The following NIPBL variants were observed in gnomAD, a reference collection of about 807,000 sequenced individuals.
The protein encoded by NIPBL is NIPBL cohesin loading factor.
NIPBL carries 19 observed loss-of-function variants against 321.8 expected under a neutral mutation model. That is an observed-to-expected ratio of 0.06 (90% confidence interval 0.04 to 0.09). The LOEUF (loss-of-function observed/expected upper bound fraction) is 0.09, where lower values mean the gene tolerates loss of function less well. Ranked by LOEUF, NIPBL falls within the 10% of genes least tolerant of loss-of-function variation. The pLI is 1.00. For missense variants in NIPBL, 2,210 were observed against 3,327.0 expected, an observed-to-expected ratio of 0.66 and a Z score of 8.26; for synonymous variants, 1,106 against 1,114.1, an observed-to-expected ratio of 0.99 and a Z score of 0.14.
At chr5:36,885,498 G>A in intron 1 of NIPBL, 1 of 503,148 alleles carries the variant, frequency 2.0e-6, no homozygotes, top group South Asian at 1.5e-5. Flanking sequence ...GACAGAGTGA[G>A]GAGCCTAGAG....
chr5:36,962,357 A>G (rs1318752812), intron 6 of NIPBL, 83 bp downstream of exon 6: 1 of 1,393,240 alleles, frequency 7.2e-7, no homozygotes, highest in African/African-American at 1.4e-5. Flanking sequence ...TATAATTATT[A>G]AACACAAACT....
At chr5:36,962,444 C>T (rs1741731782) in intron 6 of NIPBL, among the ~76,000 whole-genome samples, 170 bp downstream of exon 6, 1 of 152,104 alleles carries the variant, frequency 6.6e-6, no homozygotes, top group South Asian at 2.1e-4. Context: ...GTTACACTTA[C>T]CATTTGAAAA....
chr5:36,918,753 A>C (rs1748682096), intron 1 of NIPBL, among the ~76,000 whole-genome samples: 3 of 152,078 alleles, frequency 2.0e-5, no homozygotes, highest in African/African-American at 7.2e-5. Context: ...GAATTTTGTC[A>C]AAGGCCTTTT....
chr5:37,048,033 G>C (rs1007920662), intron 38 of NIPBL, among the ~76,000 whole-genome samples: 1 of 151,900 alleles, frequency 6.6e-6, no homozygotes, highest in African/African-American at 2.4e-5. Flanking sequence ...TTCTGCTGGG[G>C]ATCTGAAAAA....
chr5:36,974,463 C>CT (rs1283558642), intron 8 of NIPBL, among the ~76,000 whole-genome samples: 1 of 152,098 alleles, frequency 6.6e-6, no homozygotes, highest in African/African-American at 2.4e-5. Context: ...TTAGACAAAT[C>CT]TTGTTTTAAA....
At chr5:37,002,585 TAGAA>T in intron 14 of NIPBL, 73 bp from the exon 15 acceptor site, 2 of 998,898 alleles carry the variant, frequency 2.0e-6, no homozygotes, top group Non-Finnish European at 3.2e-6. Context: ...AAAATTTTAT[TAGAA>T]AGTTAAGCTT....
intron 30 of NIPBL, among the ~76,000 whole-genome samples, chr5:37,025,235 G>A (rs1221807771): frequency 6.6e-6 from 1 of 152,044 alleles, no homozygotes; most frequent in African/African-American, 2.4e-5. Flanking sequence ...CCTGGGCAAG[G>A]GTGAGACTCC....
intron 1 of NIPBL, among the ~76,000 whole-genome samples, chr5:36,901,772 G>A (rs1374724951): frequency 1.3e-5 from 2 of 152,094 alleles, no homozygotes; most frequent in African/African-American, 4.8e-5. Flanking sequence ...GCCTCCCAAA[G>A]TGCTAGGATT....
intron 24 of NIPBL, among the ~76,000 whole-genome samples, chr5:37,018,406 C>A (rs1219300142): frequency 6.6e-6 from 1 of 152,014 alleles, no homozygotes; most frequent in Non-Finnish European, 1.5e-5. Context: ...CAATGAGAAC[C>A]CTTTGAAGCT....
chr5:37,064,881 A>G lies in NIPBL; in HGVS notation c.8404A>G (p.Thr2802Ala). Reference protein sequence around the residue: ...LRSLYAAKDGTSS With the variant: ...LRSLYAAKDGASS ...ATCCCTGTATGCCGCCAAGGATGGGACTTCCAGCTAATGAATTTGTACATG... is the reference window on the plus strand; with the variant it reads ...ATCCCTGTATGCCGCCAAGGATGGGGCTTCCAGCTAATGAATTTGTACATG... The change falls in exon 47 of 47, where the codon ACT becomes GCT. Residue 2802 changes from threonine (T) to alanine (A), a missense_variant. Around this residue, in one of 14 missense-constraint regions of NIPBL, gnomAD observed 159 missense variants for 319.2 expected, o/e 0.50. Transcript: ENST00000282516. The G allele has an allele frequency of 6.2e-7, 1 of 1,614,210 alleles. No homozygotes were observed. The highest frequency in any genetic ancestry group is 8.5e-7 in the Non-Finnish European group (1 of 1,180,024).
At chr5:36,962,376 ATACTG>A in intron 6 of NIPBL, 102 bp downstream of exon 6, 1 of 1,145,846 alleles carries the variant, frequency 8.7e-7, no homozygotes, top group South Asian at 1.3e-5. Flanking sequence ...CTAAAATACT[ATACTG>A]TATACTTGTC....
chr5:36,945,694 AG>A (rs1156513438), intron 1 of NIPBL, among the ~76,000 whole-genome samples: 4 of 151,958 alleles, frequency 2.6e-5, no homozygotes, highest in African/African-American at 7.2e-5. Flanking sequence ...TTGAAACTTT[AG>A]AAAAGCAGAA....
intron 29 of NIPBL, among the ~76,000 whole-genome samples, chr5:37,023,623 A>C (rs1358271753): frequency 3.3e-5 from 5 of 152,108 alleles, no homozygotes; most frequent in Admixed American, 6.6e-5. Flanking sequence ...TCTGAATACT[A>C]GTTCTTAGAT....
chr5:36,901,436 A>T (rs1441165311), intron 1 of NIPBL, among the ~76,000 whole-genome samples: 1 of 144,308 alleles, frequency 6.9e-6, no homozygotes, highest in African/African-American at 2.6e-5. Flanking sequence ...TGGTAGAATG[A>T]TGTATATTGC....
intron 42 of NIPBL, among the ~76,000 whole-genome samples, chr5:37,053,157 G>T (rs989126246): frequency 1.3e-5 from 2 of 152,150 alleles, no homozygotes; most frequent in Admixed American, 6.5e-5. Flanking sequence ...TCTTTGTGGG[G>T]TGAACATCTT....
chr5:36,886,781 C>G (rs1745940929), intron 1 of NIPBL, among the ~76,000 whole-genome samples: 2 of 151,542 alleles, frequency 1.3e-5, no homozygotes, highest in South Asian at 4.2e-4. Context: ...CAGTTTCCTG[C>G]TCCTACTGCA....
intron 10 of NIPBL, among the ~76,000 whole-genome samples, chr5:36,989,839 CAAAA>C (rs374278669): frequency 1.4e-5 from 1 of 73,450 alleles, no homozygotes; most frequent in African/African-American, 5.8e-5. Flanking sequence ...ACTCTGTCTC[CAAAA>C]AAAAAAAAAA....
intron 32 of NIPBL, among the ~76,000 whole-genome samples, chr5:37,029,419 GAGT>G (rs1312752737): frequency 6.6e-6 from 1 of 152,010 alleles, no homozygotes; most frequent in Non-Finnish European, 1.5e-5. Flanking sequence ...TTTTATTACT[GAGT>G]AGTTTCAGTA....
chr5:36,882,395 A>G (rs752375412), intron 1 of NIPBL, among the ~76,000 whole-genome samples: 7 of 151,948 alleles, frequency 4.6e-5, no homozygotes, highest in Admixed American at 6.5e-5. Flanking sequence ...GAAAAGTTGA[A>G]TATGAAATTG....
Sources: allele counts gnomAD v4.1 joint callset (sites outside exome capture counted in the v4.1 genomes callset), GRCh38; gene constraint gnomAD v4.1.1; regional missense constraint gnomAD v4.1.1; transcripts MANE v1.5; gene names NCBI Gene and HGNC (gene_info 2026-07-23, HGNC 2026-07-21).